The following ESRRA variants were observed in gnomAD, a reference collection of about 807,000 sequenced individuals.
ESRRA encodes the protein steroid hormone receptor ERR1.
In ESRRA, 7 loss-of-function variants were observed where a neutral mutation model predicts 35.6. The ratio of observed to expected loss-of-function variants is 0.20; its 90% confidence interval spans 0.11 to 0.37. The LOEUF (loss-of-function observed/expected upper bound fraction) is 0.37. ESRRA is among the 10% of genes least tolerant of loss of function. ESRRA has a pLI of 1.00. For missense variants in ESRRA, 378 were observed against 561.7 expected (o/e 0.67, Z 3.31); for synonymous variants, 223 against 246.9 (o/e 0.90, Z 0.91).
At chr11:64,310,598 T>C (rs1022640957) in intron 2 of ESRRA, among the ~76,000 whole-genome samples, 1 of 130,174 alleles carries the variant, frequency 7.7e-6, no homozygotes, top group Non-Finnish European at 1.6e-5. Flanking sequence ...CAGGCTGGAG[T>C]GCAACGGCCT....
chr11:64,313,295 G>A lies in ESRRA; in HGVS notation c.326-656G>A, dbSNP rs559379726. Among the ~76,000 whole-genome samples, 3 of 152,144 alleles carry A rather than the reference G, an allele frequency of 2.0e-5. No individual in the cohort carries two copies. The highest frequency in any genetic ancestry group is 2.1e-4 in the South Asian group (1 of 4,832). ...CGTGGAGTCCACGTAGGCTGTGTTC[G>A]GTCCGAGATGCCTTCTAGACATGCA... On this transcript the variant is annotated intron_variant, in intron 2 of 6. Coordinates refer to ENST00000000442, the MANE Select transcript of ESRRA (RefSeq NM_004451.5). The surrounding 1 kb of genome is among the most constrained non-coding windows in gnomAD (Gnocchi z 4.0).
chr11:64,307,135 C>A, intron 1 of ESRRA, 33 bp from the exon 2 acceptor site: 1 of 1,512,402 alleles, frequency 6.6e-7, no homozygotes, highest in Non-Finnish European at 8.9e-7. Flanking sequence ...CATACCAGTG[C>A]TTTCCTGCGA....
rs1324112449 is a variant in ESRRA, at chr11:64,313,912, C to G, written c.326-39C>G. The G allele has an allele frequency of 1.4e-6, 2 of 1,451,506 alleles. No individual in the cohort carries two copies. The highest frequency in any genetic ancestry group is 1.9e-6 in the Non-Finnish European group (2 of 1,067,346). The allele number at this position is 1,451,506 out of a possible 1,614,324, so 89.9% of individuals were successfully genotyped here. ...CTGTCAGCTGGGTCCCCTCCCAGCC[C>G]CGGGAGGCCGCCACTGGAGCCCTGC... is the stretch of plus-strand genomic sequence containing the variant. On this transcript the variant is annotated intron_variant, in intron 2 of 6. Coordinates refer to ENST00000000442, the MANE Select transcript of ESRRA (RefSeq NM_004451.5). This position sits in a 1 kb window ranked among gnomAD's most constrained non-coding sequence, Gnocchi z 4.0.
chr11:64,307,201 A>T lies in ESRRA; in HGVS notation c.22A>T (p.Ile8Phe), dbSNP rs373399001. 1.1e-4 allele frequency: 171 copies of T among 1,596,218 alleles called. 1 individual carries two copies. In the East Asian group the frequency reaches 2.2e-3, roughly 20 times the overall value. MSSQVVG[I>F]EPLYIKAEPA... The stretch of plus-strand genomic sequence containing the variant: ...CGCCATGTCCAGCCAGGTGGTGGGC[A>T]TTGAGCCTCTCTACATCAAGGCAGA... The change falls in exon 2 of 7, where the codon ATT becomes TTT. Residue 8 changes from isoleucine to phenylalanine, a missense_variant. Ile to Phe is a conservative substitution (Grantham distance 21, BLOSUM62 0). This residue lies in a region of ESRRA where 87 missense variants were observed against 92.6 expected (regional missense o/e 0.94). Coordinates refer to ENST00000000442, the MANE Select transcript of ESRRA (RefSeq NM_004451.5).
rs372001940 is a variant in ESRRA at position 64,314,963 on chromosome 11, C to T, written c.743-38C>T. 6 of 1,598,276 alleles carry T rather than the reference C, an allele frequency of 3.8e-6. No homozygotes were observed. The African/African-American group carries it at 4.0e-5, about 11-fold the overall frequency. Reference sequence around the variant, plus strand: ...GCCCTGAACGGGCCCGGCTCTGGTGCGCTTGCTCAGCCAGGCCCGCTCCCC... The same window carrying T: ...GCCCTGAACGGGCCCGGCTCTGGTGTGCTTGCTCAGCCAGGCCCGCTCCCC... On this transcript the variant is annotated intron_variant, in intron 5 of 6. Transcript: ENST00000000442.
At chr11:64,314,623 A>G in intron 4 of ESRRA, 118 bp from the exon 5 acceptor site, 4 of 1,058,380 alleles carry the variant, frequency 3.8e-6, no homozygotes, top group Non-Finnish European at 5.4e-6. Context: ...CCTGGAGGGA[A>G]GTCACTGGAC....
rs1181330984 is a variant in ESRRA at position 64,308,415 on chromosome 11, TGA to T, written c.325+915_325+916del. On this transcript the variant is annotated intron_variant, in intron 2 of 6. Transcript: ENST00000000442. ...CCTGTAATCTCAGCTACTTGCTACT[TGA>T]GAGGCTGAGGCAGGAGAATTGCTTG... Among the ~76,000 whole-genome samples, 4 of 147,058 alleles carry T rather than the reference TGA, an allele frequency of 2.7e-5. No homozygotes were observed. The East Asian group carries it at 8.3e-4, about 30-fold the overall frequency.
rs1398907736 is a variant in ESRRA at position 64,307,297 on chromosome 11, G to A, written c.118G>A (p.Gly40Ser). ...ETEPPVALAP[G>S]PAPTRCLPGH... ...CGAGCCTCCTGTGGCCCTGGCCCCT[G>A]GTCCAGCTCCCACTCGCTGCCTCCC... The change falls in exon 2 of 7, where the codon GGT (glycine) becomes AGT (serine). Residue 40 changes from glycine to serine, a missense_variant. Gly to Ser is a moderately conservative substitution (Grantham distance 56). This residue lies in a region of ESRRA where 87 missense variants were observed against 92.6 expected (regional missense o/e 0.94). Transcript: ENST00000000442. 2 of 1,613,256 alleles carry A rather than the reference G, an allele frequency of 1.2e-6. No homozygotes were observed. Among genetic ancestry groups the A allele is most frequent in the African/African-American group, 2.7e-5 (2 of 74,926 alleles).
intron 6 of ESRRA, 86 bp from the exon 7 acceptor site, chr11:64,315,621 A>AG (rs1565378197): frequency 6.5e-7 from 1 of 1,533,788 alleles, no homozygotes; most frequent in Non-Finnish European, 8.9e-7. Flanking sequence ...GCTCTTCCTT[A>AG]GGCCCCATCC....
Position 64,313,931 on chromosome 11 carries a change from G to T in ESRRA, c.326-20G>T. 1 of 1,529,722 alleles carries T rather than the reference G, an allele frequency of 6.5e-7. No homozygotes were observed. Among genetic ancestry groups the T allele is most frequent in the Non-Finnish European group, 8.9e-7 (1 of 1,127,546 alleles). 94.8% of individuals were successfully genotyped at this position (1,529,722 alleles called of 1,614,324 possible). A position where few individuals can be genotyped will look rare whatever the true frequency, so the allele number is the denominator to read the frequency against. ...CCAGCCCCGGGAGGCCGCCACTGGAGCCCTGCCTCTTCCTGGCAGGGAGCA... is the reference window on the plus strand; with the variant it reads ...CCAGCCCCGGGAGGCCGCCACTGGATCCCTGCCTCTTCCTGGCAGGGAGCA... On this transcript the variant is annotated intron_variant, in intron 2 of 6. Transcript: ENST00000000442. The surrounding 1 kb of genome is among the most constrained non-coding windows in gnomAD (Gnocchi z 4.0).
rs1240976337 is a variant in ESRRA, at chr11:64,307,594, G to A, written c.325+90G>A. ...TAGGCCCCCTGATGGCTGTGGCACCGCTTGAGGCTAACAATCTGGTGTTTC... is the reference window on the plus strand; with the variant it reads ...TAGGCCCCCTGATGGCTGTGGCACCACTTGAGGCTAACAATCTGGTGTTTC... On this transcript the variant is annotated intron_variant, in intron 2 of 6. Coordinates refer to ENST00000000442, the MANE Select transcript of ESRRA (RefSeq NM_004451.5). 27 of 980,540 alleles carry A rather than the reference G, an allele frequency of 2.8e-5. No individual in the cohort carries two copies. The South Asian group carries it at 5.4e-4, about 19-fold the overall frequency. 60.7% of individuals were successfully genotyped at this position (980,540 alleles called of 1,614,324 possible). A position where few individuals can be genotyped will look rare whatever the true frequency, so the allele number is the denominator to read the frequency against.
Position 64,313,848 on chromosome 11 carries a change from C to T in ESRRA, c.326-103C>T, listed in dbSNP as rs1465576747. On this transcript the variant is annotated intron_variant, in intron 2 of 6. Coordinates refer to ENST00000000442, the MANE Select transcript of ESRRA (RefSeq NM_004451.5). This position sits in a 1 kb window ranked among gnomAD's most constrained non-coding sequence, Gnocchi z 4.0. Reference sequence around the variant, plus strand: ...CCTGCTCTCCCTTTCCTCCCCATACCCCCAGACCTGTGCTTGCCCGGGGAG... The same window carrying T: ...CCTGCTCTCCCTTTCCTCCCCATACTCCCAGACCTGTGCTTGCCCGGGGAG... 2.6e-6 allele frequency: 2 copies of T among 761,418 alleles called. No individual in the cohort carries two copies. Among genetic ancestry groups the T allele is most frequent in the South Asian group, 1.8e-5 (1 of 56,046 alleles). 47.2% of individuals were successfully genotyped at this position (761,418 alleles called of 1,614,324 possible). A position where few individuals can be genotyped will look rare whatever the true frequency, so the allele number is the denominator to read the frequency against.
Position 64,314,894 on chromosome 11 carries a change from G to A in ESRRA, c.725G>A (p.Trp242Ter). ...FDREIVVTIS[W>*]AKSIPGFSSL... is the part of the protein sequence containing the mutation. Reference sequence around the variant, plus strand: ...CGAGAGATTGTGGTCACCATCAGCTGGGCCAAGAGCATCCCAGGTAAAGGG... The same window carrying A: ...CGAGAGATTGTGGTCACCATCAGCTAGGCCAAGAGCATCCCAGGTAAAGGG... The change falls in exon 5 of 7, where the codon TGG (tryptophan) becomes TAG (stop). Residue 242 changes from tryptophan (W) to a stop codon, truncating the protein, a stop_gained. Transcript: ENST00000000442. LOFTEE classifies it high-confidence loss of function. 6.2e-7 allele frequency: 1 copy of A among 1,612,308 alleles called. No individual in the cohort carries two copies. Among genetic ancestry groups the A allele is most frequent in the Non-Finnish European group, 8.5e-7 (1 of 1,179,974 alleles).
Position 64,315,710 on chromosome 11 carries a change from C to T in ESRRA, c.1016C>T (p.Ser339Phe), listed in dbSNP as rs2035238308. 3 of 1,613,774 alleles carry T rather than the reference C, an allele frequency of 1.9e-6. No homozygotes were observed. The highest frequency in any genetic ancestry group is 1.1e-5 in the South Asian group (1 of 91,070). Residue 339 changes from serine to phenylalanine, a missense_variant, in exon 7 of 7, where the codon TCT becomes TTT. By Grantham distance (155) the Ser-to-Phe change is radical. Around this residue, in one of 4 missense-constraint regions of ESRRA, gnomAD observed 284 missense variants for 411.7 expected, o/e 0.69. Coordinates refer to ENST00000000442, the MANE Select transcript of ESRRA (RefSeq NM_004451.5). ...CCACATTCCTCTCTTCTTGCAGACT[C>T]TGTGCACATCGAAGATGCCGAGGCT... ...LKALALANSD[S>F]VHIEDAEAVE...
At chr11:64,314,633 C>A in intron 4 of ESRRA, 108 bp from the exon 5 acceptor site, 1 of 1,144,228 alleles carries the variant, frequency 8.7e-7, no homozygotes, top group Non-Finnish European at 1.2e-6. Flanking sequence ...AGTCACTGGA[C>A]AGCTGCTACT....
chr11:64,315,807 G>A lies in ESRRA; in HGVS notation c.1113G>A (p.Gly371=), dbSNP rs1217286074. The change falls in exon 7 of 7, where the codon GGG becomes GGA. Residue 371 remains glycine, a synonymous_variant. Transcript: ENST00000000442. ...EYEAGRAGPG[G]GAERRRAGRL... Reference sequence around the variant, plus strand: ...AAGCCGGCCGGGCTGGCCCCGGAGGGGGTGCTGAGCGGCGGCGGGCGGGCA... The same window carrying A: ...AAGCCGGCCGGGCTGGCCCCGGAGGAGGTGCTGAGCGGCGGCGGGCGGGCA... The A allele has an allele frequency of 1.9e-6, 3 of 1,612,556 alleles. No individual in the cohort carries two copies. Among genetic ancestry groups the A allele is most frequent in the Non-Finnish European group, 2.5e-6 (3 of 1,179,240 alleles).
Position 64,315,024 on chromosome 11 carries a change from G to C in ESRRA, c.766G>C (p.Asp256His). The change falls in exon 6 of 7, where the codon GAC (aspartate) becomes CAC (histidine). Residue 256 changes from aspartate (D) to histidine (H), a missense_variant. By Grantham distance (81) the Asp-to-His change is moderately conservative. This residue lies in a region of ESRRA where 284 missense variants were observed against 411.7 expected (regional missense o/e 0.69). Coordinates refer to ENST00000000442, the MANE Select transcript of ESRRA (RefSeq NM_004451.5). ...AGGCTTCTCATCGCTGTCGCTGTCTGACCAGATGTCAGTACTGCAGAGCGT... is the reference window on the plus strand; with the variant it reads ...AGGCTTCTCATCGCTGTCGCTGTCTCACCAGATGTCAGTACTGCAGAGCGT... ...IPGFSSLSLS[D>H]QMSVLQSVWM... 2 of 1,601,808 alleles carry C rather than the reference G, an allele frequency of 1.2e-6. No homozygotes were observed. Among genetic ancestry groups the C allele is most frequent in the Non-Finnish European group, 1.7e-6 (2 of 1,174,508 alleles).
Position 64,314,332 on chromosome 11 carries a change from G to T in ESRRA, c.536G>T (p.Gly179Val). The change falls in exon 4 of 7, where the codon GGG becomes GTG. Residue 179 changes from glycine (G) to valine (V), a missense_variant. Coordinates refer to ENST00000000442, the MANE Select transcript of ESRRA (RefSeq NM_004451.5). ...PLPFPGPFPA[G>V]PLAVAGGPRK... ...CCCTTCCCGGGCCCCTTCCCTGCTG[G>T]GCCCCTGGCAGTCGCTGGAGGCCCC... The T allele has an allele frequency of 6.2e-7, 1 of 1,602,058 alleles. No homozygotes were observed. Among genetic ancestry groups the T allele is most frequent in the Non-Finnish European group, 8.5e-7 (1 of 1,174,644 alleles).
chr11:64,313,820 C>A lies in ESRRA; in HGVS notation c.326-131C>A, dbSNP rs1348022954. On this transcript the variant is annotated intron_variant, in intron 2 of 6. Transcript: ENST00000000442. The surrounding 1 kb of genome is among the most constrained non-coding windows in gnomAD (Gnocchi z 4.0). ...CACTCCCCTCCCTGCCTGCTCATGG[C>A]CCCCTGCTCTCCCTTTCCTCCCCAT... 1.6e-6 allele frequency: 1 copy of A among 610,832 alleles called. No homozygotes were observed. The highest frequency in any genetic ancestry group is 3.1e-5 in the Admixed American group (1 of 32,396). The allele number at this position is 610,832 out of a possible 1,614,324, so 37.8% of individuals were successfully genotyped here. A position where few individuals can be genotyped will look rare whatever the true frequency, so the allele number is the denominator to read the frequency against.
Sources: gnomAD v4.1 joint callset for allele counts (sites outside exome capture counted in the v4.1 genomes callset) on GRCh38, gnomAD v4.1.1 for gene constraint, gnomAD v4.1.1 regional missense constraint, Gnocchi (gnomAD v3.1) non-coding constraint, MANE v1.5 for transcripts, NCBI Gene and HGNC (gene_info 2026-07-23, HGNC 2026-07-21) for gene names.